PLD5: variants seen among roughly 807,000 people sequenced by gnomAD.
PLD5 encodes the protein phospholipase D family member 5.
In PLD5, 36 loss-of-function variants were observed where a neutral mutation model predicts 61.1. That is an observed-to-expected ratio of 0.59 (90% CI 0.45 to 0.78). The LOEUF (loss-of-function observed/expected upper bound fraction) is 0.78, where lower values mean the gene tolerates loss of function less well. Ranked by LOEUF, PLD5 falls within the 30% of genes least tolerant of loss-of-function variation. The pLI, the probability that PLD5 is intolerant of heterozygous loss-of-function variation, is 0.00. For missense variants in PLD5, 515 were observed against 644.4 expected (o/e 0.80, Z 2.17); for synonymous variants, 243 against 242.8 (o/e 1.00, Z -0.01).
intron 1 of PLD5, among the ~76,000 whole-genome samples, chr1:242,371,217 G>A (rs1191470236): frequency 2.0e-5 from 3 of 152,014 alleles, no homozygotes; most frequent in African/African-American, 4.8e-5. Context: ...ACACACACAC[G>A]CACACACTTT....
intron 3 of PLD5, among the ~76,000 whole-genome samples, chr1:242,267,538 A>G (rs1483309068): frequency 2.6e-5 from 4 of 152,158 alleles, no homozygotes; most frequent in Non-Finnish European, 5.9e-5. Flanking sequence ...ACCACAAACC[A>G]GGTATTCTGG....
At chr1:242,448,818 ACT>A (rs1250373176) in intron 1 of PLD5, among the ~76,000 whole-genome samples, 1 of 152,128 alleles carries the variant, frequency 6.6e-6, no homozygotes, top group Non-Finnish European at 1.5e-5. Flanking sequence ...TCCTGTTGTT[ACT>A]GCCTATGATA....
At chr1:242,285,255 A>T (rs1485231460) in intron 3 of PLD5, among the ~76,000 whole-genome samples, 2 of 152,180 alleles carry the variant, frequency 1.3e-5, no homozygotes, top group Non-Finnish European at 2.9e-5. Context: ...ACCTAAAGTC[A>T]TATGGGAGAC....
intron 5 of PLD5, among the ~76,000 whole-genome samples, chr1:242,169,696 C>T (rs1666599357): frequency 2.0e-5 from 3 of 150,778 alleles, no homozygotes; most frequent in Non-Finnish European, 2.9e-5. Context: ...ATTGTTGCTG[C>T]CAGCACAGCA....
In PLD5 at chr1:242,265,341, T is replaced by C; in HGVS notation, c.603A>G (p.Leu201=). ...ADSKVLEALK[L]KGAEVTYMNM... Reference sequence around the variant, plus strand: ...GCATATCAACCTTGGTCTTACCCTTTAATTTCAAGGCTTCTAATACCTTTG... The same window carrying C: ...GCATATCAACCTTGGTCTTACCCTTCAATTTCAAGGCTTCTAATACCTTTG... Residue 201 remains leucine (L), a synonymous_variant, in exon 4 of 10, where the codon TTA becomes TTG. Coordinates refer to ENST00000536534, the MANE Select transcript of PLD5 (RefSeq NM_001372062.1). 1 of 1,609,094 alleles carries C rather than the reference T, an allele frequency of 6.2e-7. No homozygotes were observed. The highest frequency in any genetic ancestry group is 8.5e-7 in the Non-Finnish European group (1 of 1,179,028).
At chr1:242,469,379 G>A (rs1667371928) in intron 1 of PLD5, among the ~76,000 whole-genome samples, 1 of 152,124 alleles carries the variant, frequency 6.6e-6, no homozygotes, top group Non-Finnish European at 1.5e-5. Flanking sequence ...AATCTGTATG[G>A]CCATAATAAT....
At position 242,182,078 on chromosome 1, in the gene PLD5, C is replaced by T. The variant is rs374445730; in HGVS notation, c.735+37910G>A. On this transcript the variant is annotated intron_variant, in intron 5 of 9. Transcript: ENST00000536534. ...TAAAGACAGAGCTTGAAAGTATTTG[C>T]TGTTTGATTAATGATGATTCTGATC... Among the ~76,000 whole-genome samples the T allele has an allele frequency of 7.9e-5, 12 of 152,242 alleles. No individual in the cohort carries two copies. In the East Asian group the frequency reaches 2.1e-3, roughly 27 times the overall value.
chr1:242,198,505 T>C (rs1287475601), intron 5 of PLD5, among the ~76,000 whole-genome samples: 1 of 151,856 alleles, frequency 6.6e-6, no homozygotes, highest in Non-Finnish European at 1.5e-5. Context: ...TTTAGCTCTT[T>C]GGGTTTGTGT....
chr1:242,304,193 C>CA (rs1397843785), intron 2 of PLD5, among the ~76,000 whole-genome samples: 4 of 152,126 alleles, frequency 2.6e-5, no homozygotes, highest in African/African-American at 9.7e-5. Context: ...CCTCCAGAAC[C>CA]AAAAAATGAT....
In PLD5 at chr1:242,124,621, G is replaced by A. The variant is rs1306168246; in HGVS notation, c.780C>T (p.Val260=). 10 of 1,613,844 alleles carry A rather than the reference G, an allele frequency of 6.2e-6. No individual in the cohort carries two copies. Among genetic ancestry groups the A allele is most frequent in the Non-Finnish European group, 8.5e-6 (10 of 1,179,898 alleles). ...GVIFYNCSCL[V]LDLQRIFALY... is the part of the protein sequence containing the mutation. ...GAGCAAATATCCTTTGTAAATCTAG[G>A]ACCAGGCAGCTGCAGTTGTAGAAGA... is the stretch of plus-strand genomic sequence containing the variant. The change falls in exon 6 of 10, where the codon GTC becomes GTT. Residue 260 remains valine (V), a synonymous_variant. Transcript: ENST00000536534.
At chr1:242,370,526 C>T (rs1661577166) in intron 1 of PLD5, among the ~76,000 whole-genome samples, 1 of 152,124 alleles carries the variant, frequency 6.6e-6, no homozygotes, top group African/African-American at 2.4e-5. Context: ...GCATTAATGG[C>T]TGTGTTTGTG....
chr1:242,470,528 A>G (rs944915043), intron 1 of PLD5, among the ~76,000 whole-genome samples: 2 of 152,140 alleles, frequency 1.3e-5, no homozygotes, highest in Non-Finnish European at 2.9e-5. Flanking sequence ...AAGAATCATA[A>G]AACCAACCAT....
intron 5 of PLD5, among the ~76,000 whole-genome samples, chr1:242,177,135 T>C (rs1667205239): frequency 6.6e-6 from 1 of 152,192 alleles, no homozygotes; most frequent in African/African-American, 2.4e-5. Flanking sequence ...CATATGTTTA[T>C]TGCAGCACTG....
intron 3 of PLD5, among the ~76,000 whole-genome samples, chr1:242,270,435 G>A (rs1394156174): frequency 6.6e-6 from 1 of 152,170 alleles, no homozygotes; most frequent in Non-Finnish European, 1.5e-5. Flanking sequence ...GCTTGCTAGT[G>A]GCAGTCAGGC....
rs528791632 is a variant in PLD5, at chr1:242,182,775, G to A, written c.735+37213C>T. Among the ~76,000 whole-genome samples, 14 of 152,222 alleles carry A rather than the reference G, an allele frequency of 9.2e-5. No homozygotes were observed. The South Asian group carries it at 2.3e-3, about 25-fold the overall frequency. On this transcript the variant is annotated intron_variant, in intron 5 of 9. Transcript: ENST00000536534. ...CAGGAATCTCTTGAACCCAGGAGAC[G>A]GAGGTTGCAGTGAGGCAAGATCGCG...
intron 1 of PLD5, among the ~76,000 whole-genome samples, chr1:242,377,739 GA>G (rs914871024): frequency 2.8e-4 from 42 of 152,032 alleles, no homozygotes; most frequent in African/African-American, 9.9e-4. Flanking sequence ...TTTCTCCAAA[GA>G]AAATACACAA....
At chr1:242,498,962 AG>A (rs1449617757) in intron 1 of PLD5, among the ~76,000 whole-genome samples, 2 of 152,356 alleles carry the variant, frequency 1.3e-5, no homozygotes, top group East Asian at 1.9e-4. Context: ...TCTGGGTTGA[AG>A]GGTATTAATA....
chr1:242,447,268 T>C (rs1345719079), intron 1 of PLD5, among the ~76,000 whole-genome samples: 2 of 152,234 alleles, frequency 1.3e-5, no homozygotes, highest in Non-Finnish European at 2.9e-5. Flanking sequence ...GCTTATTTGG[T>C]ATAACATCTA....
chr1:242,286,544 TC>T (rs1224919497), intron 3 of PLD5, among the ~76,000 whole-genome samples: 1 of 151,646 alleles, frequency 6.6e-6, no homozygotes, highest in Non-Finnish European at 1.5e-5. Flanking sequence ...TGATCCTATC[TC>T]CCACTGGTTT....
Sources: gnomAD v4.1 joint callset for allele counts (sites outside exome capture counted in the v4.1 genomes callset) on GRCh38, gnomAD v4.1.1 for gene constraint, MANE v1.5 for transcripts, NCBI Gene and HGNC (gene_info 2026-07-23, HGNC 2026-07-21) for gene names.